Variants in FRAS1 observed in about 807,000 individuals in gnomAD.
FRAS1 encodes the protein extracellular matrix organizing protein FRAS1.
A neutral mutation model predicts 435.2 loss-of-function variants in FRAS1; 290 were observed. The ratio of observed to expected loss-of-function variants is 0.67; its 90% CI spans 0.61 to 0.73. The LOEUF (loss-of-function observed/expected upper bound fraction) is 0.73, where lower values mean the gene tolerates loss of function less well. Ranked by LOEUF, FRAS1 falls within the 30% of genes least tolerant of loss-of-function variation. The pLI is 0.00. For synonymous variants in FRAS1, 1,800 were observed against 1,851.0 expected (o/e 0.97, Z 0.71); for missense variants, 4,860 against 5,001.5 (o/e 0.97, Z 0.85).
In FRAS1 at chr4:78,511,462, A is replaced by C. The variant is rs1363478763; in HGVS notation, c.9969A>C (p.Ala3323=). The C allele has an allele frequency of 3.1e-6, 5 of 1,613,886 alleles. No homozygotes were observed. The Admixed American group carries it at 5.0e-5, about 16-fold the overall frequency. ...SRGFQAQSFI[A]TLKYLDVKHK... ...GCTTCCAGGCTCAGTCCTTCATCGC[A>C]ACCTTGAAATACCTGGATGTCAAAC... is the stretch of plus-strand genomic sequence containing the variant. The change falls in exon 64 of 74, where the codon GCA becomes GCC. Residue 3323 remains alanine, a synonymous_variant. Transcript: ENST00000512123.
chr4:78,132,923 A>T (rs1719750253), intron 2 of FRAS1, among the ~76,000 whole-genome samples: 1 of 152,130 alleles, frequency 6.6e-6, no homozygotes. Flanking sequence ...CCCACGCCAC[A>T]CTTGGTTCTC....
At chr4:78,373,748 C>T (rs1731606165) in intron 24 of FRAS1, among the ~76,000 whole-genome samples, 1 of 151,934 alleles carries the variant, frequency 6.6e-6, no homozygotes, top group Non-Finnish European at 1.5e-5. Context: ...GCACTCCAGC[C>T]TGGGCAACAA....
chr4:78,465,402 G>GAGAT (rs1252379902), intron 49 of FRAS1, among the ~76,000 whole-genome samples: 1 of 152,192 alleles, frequency 6.6e-6, no homozygotes, highest in East Asian at 1.9e-4. Context: ...GGAGATGAGG[G>GAGAT]AGATAGAGAT....
intron 2 of FRAS1, among the ~76,000 whole-genome samples, chr4:78,114,927 T>C (rs548129158): frequency 6.6e-6 from 1 of 152,250 alleles, no homozygotes; most frequent in East Asian, 1.9e-4. Flanking sequence ...AGGGAATGCT[T>C]CCAGTTTTTG....
Position 78,360,900 on chromosome 4 carries a change from A to T in FRAS1, c.2423-2613A>T, listed in dbSNP as rs2110292957. On this transcript the variant is annotated intron_variant, in intron 20 of 73. Transcript: ENST00000512123. ...TTTCTCTTGAAAGCATCCCCTTGGT[A>T]ATTATTCTTTTATGTTTCTCTAATT... is the stretch of plus-strand genomic sequence containing the variant. 1.3e-5 allele frequency among the ~76,000 whole-genome samples: 2 copies of T among 152,320 alleles called. 1 individual carries two copies. Among genetic ancestry groups the T allele is most frequent in the South Asian group, 4.1e-4 (2 of 4,824 alleles).
At chr4:78,116,497 T>C (rs1056728712) in intron 2 of FRAS1, among the ~76,000 whole-genome samples, 1 of 152,234 alleles carries the variant, frequency 6.6e-6, no homozygotes, top group African/African-American at 2.4e-5. Context: ...GGACTTGCTT[T>C]ATGAATCTGG....
intron 47 of FRAS1, among the ~76,000 whole-genome samples, chr4:78,455,092 G>C (rs912448023): frequency 6.6e-6 from 1 of 152,098 alleles, no homozygotes; most frequent in African/African-American, 2.4e-5. Context: ...CAGATACAAG[G>C]CTCCAGTCCT....
intron 2 of FRAS1, among the ~76,000 whole-genome samples, chr4:78,102,764 C>T (rs1742196809): frequency 6.6e-6 from 1 of 152,064 alleles, no homozygotes; most frequent in African/African-American, 2.4e-5. Flanking sequence ...TGCACTGATC[C>T]CTGCTTCAGA....
chr4:78,407,756 C>T lies in FRAS1; in HGVS notation c.4223C>T (p.Thr1408Ile). The change falls in exon 31 of 74, where the codon ACC (threonine) becomes ATC (isoleucine). Residue 1408 changes from threonine (T) to isoleucine (I), a missense_variant. Transcript: ENST00000512123. ...PDGRTATPTS[T>I]FTQQDINEGI... ...GGGAGGACAGCTACCCCCACCAGCA[C>T]CTTCACCCAGCAGGACATCAATGAA... 1 of 1,613,898 alleles carries T rather than the reference C, an allele frequency of 6.2e-7. No individual in the cohort carries two copies. The highest frequency in any genetic ancestry group is 1.1e-5 in the South Asian group (1 of 91,068).
chr4:78,395,982 T>C (rs1014187523), intron 29 of FRAS1, among the ~76,000 whole-genome samples: 1 of 152,048 alleles, frequency 6.6e-6, no homozygotes, highest in African/African-American at 2.4e-5. Flanking sequence ...TTTGTAGTGG[T>C]ATGTTTTTAT....
chr4:78,538,089 A>G (rs1721937839), intron 72 of FRAS1, among the ~76,000 whole-genome samples: 1 of 152,248 alleles, frequency 6.6e-6, no homozygotes, highest in Non-Finnish European at 1.5e-5. Flanking sequence ...ATGAGAATCC[A>G]GTTTTTTCCC....
chr4:78,138,319 A>G (rs574616296), intron 2 of FRAS1, among the ~76,000 whole-genome samples: 13 of 152,344 alleles, frequency 8.5e-5, no homozygotes, highest in Non-Finnish European at 1.8e-4. Flanking sequence ...AGGCCATAGA[A>G]GCATTTAGGT....
At chr4:78,165,561 C>T (rs1326602961) in intron 2 of FRAS1, among the ~76,000 whole-genome samples, 1 of 152,098 alleles carries the variant, frequency 6.6e-6, no homozygotes, top group Non-Finnish European at 1.5e-5. Context: ...TGTAACCGAC[C>T]ACCCCCAAAC....
chr4:78,528,900 G>A (rs184275106), intron 70 of FRAS1, among the ~76,000 whole-genome samples: 5 of 152,246 alleles, frequency 3.3e-5, no homozygotes, highest in Middle Eastern at 3.4e-3. Context: ...GAGTGCACGC[G>A]CTCCCTTTCC....
At chr4:78,114,011 T>G (rs1279025346) in intron 2 of FRAS1, among the ~76,000 whole-genome samples, 3 of 152,138 alleles carry the variant, frequency 2.0e-5, no homozygotes, top group African/African-American at 7.2e-5. Context: ...TTGTATAAGG[T>G]GTAAGGAAGG....
At chr4:78,356,147 C>CG (rs1242908532) in intron 20 of FRAS1, among the ~76,000 whole-genome samples, 4 of 152,176 alleles carry the variant, frequency 2.6e-5, no homozygotes, top group South Asian at 4.2e-4. Context: ...TGGCTGGCCA[C>CG]GGGGGTAGTT....
intron 2 of FRAS1, among the ~76,000 whole-genome samples, chr4:78,163,146 A>G (rs1721207462): frequency 6.6e-6 from 1 of 152,212 alleles, no homozygotes; most frequent in Non-Finnish European, 1.5e-5. Flanking sequence ...AAGAGAAGTA[A>G]AGACATTGGT....
intron 6 of FRAS1, among the ~76,000 whole-genome samples, chr4:78,260,752 T>C (rs1241945633): frequency 2.0e-5 from 3 of 152,186 alleles, no homozygotes; most frequent in South Asian, 2.1e-4. Context: ...TGAATAGGAG[T>C]GGTGAGAGAG....
intron 10 of FRAS1, among the ~76,000 whole-genome samples, chr4:78,279,391 T>C (rs1727212247): frequency 6.6e-6 from 1 of 152,314 alleles, no homozygotes; most frequent in Non-Finnish European, 1.5e-5. Flanking sequence ...GGGCTCTCGC[T>C]TAACTCATGA....
Sources: allele counts gnomAD v4.1 joint callset (sites outside exome capture counted in the v4.1 genomes callset), GRCh38; gene constraint gnomAD v4.1.1; transcripts MANE v1.5; gene names NCBI Gene and HGNC (gene_info 2026-07-23, HGNC 2026-07-21).